Variants in HOOK3 observed in about 807,000 individuals in gnomAD.
HOOK3 encodes protein Hook homolog 3.
A neutral mutation model predicts 116.3 loss-of-function variants in HOOK3; 24 were observed. That is an observed-to-expected ratio of 0.21 (90% CI 0.15 to 0.29). HOOK3 has a LOEUF of 0.29. Ranked by LOEUF, HOOK3 falls within the 10% of genes least tolerant of loss-of-function variation. The pLI, the probability that HOOK3 is intolerant of heterozygous loss-of-function variation, is 1.00. For synonymous variants in HOOK3, 275 were observed against 283.0 expected (o/e 0.97, Z 0.28); for missense variants, 632 against 830.2 (o/e 0.76, Z 2.93).
rs555483829 is a variant in HOOK3 at position 42,920,976 on chromosome 8, T to C, written c.144-4581T>C. ...TCTTCCCTTCTGAACTCAGACATGATCCTTAGGTTTTGATTTGGTAATCTT... is the reference window on the plus strand; with the variant it reads ...TCTTCCCTTCTGAACTCAGACATGACCCTTAGGTTTTGATTTGGTAATCTT... On this transcript the variant is annotated intron_variant, in intron 2 of 21. Transcript: ENST00000307602. Among the ~76,000 whole-genome samples, 6 of 152,306 alleles carry C rather than the reference T, an allele frequency of 3.9e-5. No individual in the cohort carries two copies. The South Asian group carries it at 1.0e-3, about 26-fold the overall frequency.
rs181662829 is a variant in HOOK3, at chr8:42,910,363, T to A, written c.143+4105T>A. On this transcript the variant is annotated intron_variant, in intron 2 of 21. Coordinates refer to ENST00000307602, the MANE Select transcript of HOOK3 (RefSeq NM_032410.4). Reference sequence around the variant, plus strand: ...TCTTCCTAGAATGCCTTCCTTTTTTTTTCCTTTTGTTGAGATATGTCACAC... The same window carrying A: ...TCTTCCTAGAATGCCTTCCTTTTTTATTCCTTTTGTTGAGATATGTCACAC... 3.1e-4 allele frequency among the ~76,000 whole-genome samples: 47 copies of A among 152,296 alleles called. No individual in the cohort carries two copies. In the East Asian group the frequency reaches 8.3e-3, roughly 27 times the overall value.
At chr8:42,920,948 T>A (rs1208815852) in intron 2 of HOOK3, among the ~76,000 whole-genome samples, 1 of 152,228 alleles carries the variant, frequency 6.6e-6, no homozygotes, top group Non-Finnish European at 1.5e-5. Flanking sequence ...GCTGATTTTG[T>A]TGTCTTCCCT....
chr8:42,914,738 C>T (rs1054857922), intron 2 of HOOK3, among the ~76,000 whole-genome samples: 1 of 152,342 alleles, frequency 6.6e-6, no homozygotes, highest in African/African-American at 2.4e-5. Flanking sequence ...CCAGTTCTCC[C>T]CTCTTTCTTG....
intron 2 of HOOK3, among the ~76,000 whole-genome samples, chr8:42,915,597 A>G (rs1299643832): frequency 6.6e-6 from 1 of 151,844 alleles, no homozygotes; most frequent in East Asian, 1.9e-4. Context: ...ATGCCCAGCT[A>G]ATTTTTGTAT....
At chr8:42,914,866 CA>C in intron 2 of HOOK3, among the ~76,000 whole-genome samples, 1 of 152,268 alleles carries the variant, frequency 6.6e-6, no homozygotes, top group East Asian at 1.9e-4. Flanking sequence ...CCTGTAATCC[CA>C]GCACTTTGGG....
chr8:42,945,859 TG>T (rs1288807215), intron 5 of HOOK3, among the ~76,000 whole-genome samples: 1 of 152,180 alleles, frequency 6.6e-6, no homozygotes, highest in Non-Finnish European at 1.5e-5. Flanking sequence ...AAGTCCAAGT[TG>T]ACAGATTTGA....
intron 2 of HOOK3, among the ~76,000 whole-genome samples, chr8:42,919,520 T>A (rs900489895): frequency 6.6e-6 from 1 of 151,810 alleles, no homozygotes; most frequent in Non-Finnish European, 1.5e-5. Context: ...GCAGAGACGC[T>A]CCTCACTTCC....
chr8:42,952,640 G>A (rs1808363873), intron 6 of HOOK3, among the ~76,000 whole-genome samples: 2 of 152,180 alleles, frequency 1.3e-5, no homozygotes, highest in South Asian at 2.1e-4. Flanking sequence ...AGGGCCCACT[G>A]TGAATAGCAA....
chr8:42,935,616 C>T (rs1283382417), intron 4 of HOOK3, among the ~76,000 whole-genome samples: 1 of 152,136 alleles, frequency 6.6e-6, no homozygotes, highest in Admixed American at 6.5e-5. Flanking sequence ...TATGACTAGC[C>T]AGTTTTCCCA....
chr8:42,978,398 C>A (rs1271924567), intron 13 of HOOK3, among the ~76,000 whole-genome samples: 1 of 150,586 alleles, frequency 6.6e-6, no homozygotes, highest in Non-Finnish European at 1.5e-5. Flanking sequence ...TGCCTACCAC[C>A]ATGCCTGGCT....
chr8:42,988,548 G>A (rs1215179339), intron 15 of HOOK3, among the ~76,000 whole-genome samples: 1 of 152,156 alleles, frequency 6.6e-6, no homozygotes, highest in African/African-American at 2.4e-5. Flanking sequence ...CTTACCGCTG[G>A]TACAACTTAG....
intron 2 of HOOK3, among the ~76,000 whole-genome samples, chr8:42,909,014 T>C (rs1458880176): frequency 2.0e-5 from 3 of 152,164 alleles, no homozygotes. Context: ...TGAATAAACA[T>C]TTTCAAAAGA....
chr8:42,986,634 G>A, intron 14 of HOOK3, 21 bp from the exon 15 acceptor site: 1 of 1,593,168 alleles, frequency 6.3e-7, no homozygotes, highest in African/African-American at 1.4e-5. Context: ...ATAATATTTA[G>A]TTTTTATTTT....
In HOOK3 at chr8:43,026,094, G is replaced by A. The variant is rs550206909; in HGVS notation, c.*7596G>A. Reference sequence around the variant, plus strand: ...TAACATGGGAGACTTCCAGGTAGGCGTTAACACTTGAGTGGTAACTAGCTT... The same window carrying A: ...TAACATGGGAGACTTCCAGGTAGGCATTAACACTTGAGTGGTAACTAGCTT... On this transcript the variant is annotated 3_prime_UTR_variant, in exon 22 of 22. Coordinates refer to ENST00000307602, the MANE Select transcript of HOOK3 (RefSeq NM_032410.4). The A allele has an allele frequency of 5.3e-5, 11 of 209,254 alleles. No individual in the cohort carries two copies. Among genetic ancestry groups the A allele is most frequent in the Non-Finnish European group, 7.8e-5 (8 of 103,092 alleles). 13.0% of individuals were successfully genotyped at this position (209,254 alleles called of 1,614,324 possible).
chr8:42,992,386 T>G (rs1586625442), intron 15 of HOOK3, among the ~76,000 whole-genome samples: 1 of 106,228 alleles, frequency 9.4e-6, no homozygotes, highest in Admixed American at 1.2e-4. Context: ...GGCGACAGAG[T>G]GAGACTCTGT....
At chr8:42,961,716 A>G (rs958840390) in intron 8 of HOOK3, among the ~76,000 whole-genome samples, 1 of 152,240 alleles carries the variant, frequency 6.6e-6, no homozygotes, top group African/African-American at 2.4e-5. Flanking sequence ...GAGAGTGGGA[A>G]AACTCCATAG....
intron 16 of HOOK3, among the ~76,000 whole-genome samples, chr8:42,998,527 A>G (rs908414822): frequency 2.0e-5 from 3 of 152,158 alleles, no homozygotes; most frequent in African/African-American, 7.2e-5. Flanking sequence ...AGCCAATTCC[A>G]TTTCGCCTTA....
In HOOK3 at chr8:43,002,594, T is replaced by A. The variant is rs143095489; in HGVS notation, c.1655+453T>A. Among the ~76,000 whole-genome samples the A allele has an allele frequency of 2.7e-3, 415 of 152,370 alleles. 2 individuals are homozygous for A. The highest frequency in any genetic ancestry group is 4.6e-3 in the Non-Finnish European group (314 of 68,042). ...TTATAGATACGAACAGGCAGCAGTC[T>A]GGTTTTGGCCCATGGGCTATAGCTT... On this transcript the variant is annotated intron_variant, in intron 17 of 21. Coordinates refer to ENST00000307602, the MANE Select transcript of HOOK3 (RefSeq NM_032410.4).
intron 11 of HOOK3, 52 bp from the exon 12 acceptor site, chr8:42,973,237 T>A (rs559596564): frequency 6.5e-7 from 1 of 1,544,354 alleles, no homozygotes. Flanking sequence ...AAAATAAGGA[T>A]AATTTCTAAT....
Sources: allele counts gnomAD v4.1 joint callset (sites outside exome capture counted in the v4.1 genomes callset), GRCh38; gene constraint gnomAD v4.1.1; transcripts MANE v1.5; gene names NCBI Gene and HGNC (gene_info 2026-07-23, HGNC 2026-07-21).